Variants in MARCHF1 observed in about 807,000 individuals in gnomAD.
MARCHF1 encodes membrane associated ring-CH-type finger 1.
A neutral mutation model predicts 54.2 loss-of-function variants in MARCHF1; 40 were observed. The observed-to-expected ratio is 0.74, with a 90% CI of 0.57 to 0.96. The LOEUF (loss-of-function observed/expected upper bound fraction) is 0.96, where lower values mean the gene tolerates loss of function less well. Among genes scored for constraint, MARCHF1 ranks in the 40% least tolerant of loss-of-function variants. The pLI, the probability that MARCHF1 is intolerant of heterozygous loss-of-function variation, is 0.00. For missense variants in MARCHF1, 586 were observed against 656.5 expected (o/e 0.89, Z 1.17); for synonymous variants, 236 against 236.3 (o/e 1.00, Z 0.01).
At chr4:163,847,229 G>A (rs910612817) in intron 4 of MARCHF1, among the ~76,000 whole-genome samples, 9 of 151,908 alleles carry the variant, frequency 5.9e-5, no homozygotes, top group East Asian at 3.9e-4. Flanking sequence ...TTGATCTTTC[G>A]TTTTGTAAGT....
chr4:164,370,828 A>G (rs1421916357), intron 1 of MARCHF1, among the ~76,000 whole-genome samples: 2 of 152,152 alleles, frequency 1.3e-5, no homozygotes, highest in Admixed American at 6.6e-5. Flanking sequence ...GAATCTCTTG[A>G]GCCCGGGAGG....
chr4:164,251,244 C>A (rs1212622729), intron 1 of MARCHF1, among the ~76,000 whole-genome samples: 1 of 152,066 alleles, frequency 6.6e-6, no homozygotes, highest in Non-Finnish European at 1.5e-5. Context: ...GTCACTTTTT[C>A]TAACGTTCAA....
chr4:163,924,737 A>G (rs1263548111), intron 3 of MARCHF1, among the ~76,000 whole-genome samples: 1 of 151,944 alleles, frequency 6.6e-6, no homozygotes, highest in Non-Finnish European at 1.5e-5. Context: ...AGTGGATACC[A>G]AAGCTGGATA....
intron 2 of MARCHF1, among the ~76,000 whole-genome samples, chr4:164,051,398 TTG>T (rs1358346571): frequency 6.6e-6 from 1 of 152,096 alleles, no homozygotes; most frequent in Non-Finnish European, 1.5e-5. Context: ...ACAATATGCT[TTG>T]TGTGTGTCTG....
Position 164,348,486 on chromosome 4 carries a change from G to A in MARCHF1, c.-323+35384C>T, listed in dbSNP as rs143474390. 1.3e-3 allele frequency among the ~76,000 whole-genome samples: 200 copies of A among 152,222 alleles called. 1 individual carries two copies. Among genetic ancestry groups the A allele is most frequent in the Middle Eastern group, 6.8e-3 (2 of 294 alleles). ...GAAGTGCCAAAGACATAGATATGAC[G>A]TAGCTTATTTGTAAGTAGATGTTGC... On this transcript the variant is annotated intron_variant, in intron 1 of 9. Transcript: ENST00000514618.
chr4:164,347,929 T>C (rs536545186), intron 1 of MARCHF1, among the ~76,000 whole-genome samples: 1 of 152,320 alleles, frequency 6.6e-6, no homozygotes, highest in East Asian at 1.9e-4. Context: ...GTATATAGCA[T>C]TTAAGAAGTG....
At chr4:163,825,644 T>C (rs1748829159) in intron 4 of MARCHF1, among the ~76,000 whole-genome samples, 1 of 152,066 alleles carries the variant, frequency 6.6e-6, no homozygotes, top group Non-Finnish European at 1.5e-5. Context: ...TTCTGACTAG[T>C]GTAAGATGGT....
At chr4:164,183,346 T>C (rs188627931) in intron 1 of MARCHF1, among the ~76,000 whole-genome samples, 1 of 152,300 alleles carries the variant, frequency 6.6e-6, no homozygotes, top group Non-Finnish European at 1.5e-5. Flanking sequence ...TGTTCAAATC[T>C]TTACTTTTTG....
intron 3 of MARCHF1, among the ~76,000 whole-genome samples, chr4:163,934,285 C>A (rs1751745259): frequency 6.6e-6 from 1 of 151,546 alleles, no homozygotes; most frequent in South Asian, 2.1e-4. Context: ...CAAAAAACCA[C>A]TACATTATTT....
At chr4:163,781,484 G>A (rs943969165) in intron 4 of MARCHF1, among the ~76,000 whole-genome samples, 1 of 152,230 alleles carries the variant, frequency 6.6e-6, no homozygotes, top group Non-Finnish European at 1.5e-5. Context: ...CTCTTGATAA[G>A]TGACATGGAA....
chr4:164,258,434 GA>G (rs1280336895), intron 1 of MARCHF1, among the ~76,000 whole-genome samples: 1 of 133,868 alleles, frequency 7.5e-6, no homozygotes. Flanking sequence ...CAAAACAATA[GA>G]AAAAAATCTG....
At chr4:164,011,335 C>T (rs6825296) in intron 2 of MARCHF1, among the ~76,000 whole-genome samples, 4 of 151,928 alleles carry the variant, frequency 2.6e-5, no homozygotes, top group African/African-American at 7.3e-5. Context: ...AGAGACAACC[C>T]GCAGATGTTA....
intron 4 of MARCHF1, among the ~76,000 whole-genome samples, chr4:163,846,867 T>C (rs952102461): frequency 6.6e-6 from 1 of 152,136 alleles, no homozygotes. Flanking sequence ...TCAAGGAATA[T>C]AATAAAAACT....
intron 1 of MARCHF1, among the ~76,000 whole-genome samples, chr4:164,290,945 T>C (rs993840531): frequency 6.6e-6 from 1 of 151,932 alleles, no homozygotes; most frequent in Admixed American, 6.6e-5. Context: ...TTATTTAAAA[T>C]CTTTTAATTT....
intron 2 of MARCHF1, among the ~76,000 whole-genome samples, chr4:164,088,390 T>C (rs1221919889): frequency 1.3e-5 from 2 of 152,160 alleles, no homozygotes; most frequent in African/African-American, 4.8e-5. Context: ...GTGTTTAACA[T>C]AAAATATTAT....
intron 4 of MARCHF1, among the ~76,000 whole-genome samples, chr4:163,822,939 T>C (rs1381164218): frequency 6.6e-6 from 1 of 151,904 alleles, no homozygotes; most frequent in Non-Finnish European, 1.5e-5. Flanking sequence ...TTATAAACTG[T>C]AGACTCTAAG....
At chr4:164,220,492 A>G (rs1732065095) in intron 1 of MARCHF1, among the ~76,000 whole-genome samples, 1 of 146,110 alleles carries the variant, frequency 6.8e-6, no homozygotes, top group African/African-American at 2.5e-5. Flanking sequence ...GGGAGCATAT[A>G]CACATATGGG....
At chr4:163,827,652 A>G (rs991040757) in intron 4 of MARCHF1, among the ~76,000 whole-genome samples, 1 of 152,140 alleles carries the variant, frequency 6.6e-6, no homozygotes, top group Non-Finnish European at 1.5e-5. Context: ...GAACAGAAAA[A>G]GTCCTTTCCA....
chr4:164,173,160 T>C lies in MARCHF1; in HGVS notation c.-322-61498A>G, dbSNP rs574618292. Among the ~76,000 whole-genome samples, 77 of 152,318 alleles carry C rather than the reference T, an allele frequency of 5.1e-4. 1 individual carries two copies. Among genetic ancestry groups the C allele is most frequent in the African/African-American group, 1.8e-3 (74 of 41,582 alleles). On this transcript the variant is annotated intron_variant, in intron 1 of 9. Transcript: ENST00000514618. ...TCAACACTTAGACTTTCTGGAACCA[T>C]TAAACACACATTCCAGAACAGATTA...
Sources: allele counts gnomAD v4.1 joint callset (sites outside exome capture counted in the v4.1 genomes callset), GRCh38; gene constraint gnomAD v4.1.1; transcripts MANE v1.5; gene names NCBI Gene and HGNC (gene_info 2026-07-23, HGNC 2026-07-21).